The following DNM3 variants were observed in gnomAD, a reference collection of about 807,000 sequenced individuals.
The protein encoded by DNM3 is dynamin-3.
DNM3 carries 47 observed loss-of-function variants against 101.6 expected under a neutral mutation model. That is an observed-to-expected ratio of 0.46 (90% CI 0.37 to 0.59). DNM3 has a LOEUF of 0.59. Ranked by LOEUF, DNM3 falls within the 20% of genes least tolerant of loss-of-function variation. The pLI, the probability that DNM3 is intolerant of heterozygous loss-of-function variation, is 0.00. For synonymous variants in DNM3, 385 were observed against 387.9 expected, an observed-to-expected ratio of 0.99 and a Z score of 0.09; for missense variants, 849 against 1,085.7, an observed-to-expected ratio of 0.78 and a Z score of 3.06.
chr1:172,184,661 G>T (rs2059460843), intron 14 of DNM3, among the ~76,000 whole-genome samples: 2 of 152,022 alleles, frequency 1.3e-5, no homozygotes. Flanking sequence ...AAATACTTCT[G>T]GGATGTGTAA....
rs577953559 is a variant in DNM3, at chr1:172,304,152, A to G, written c.1770-4576A>G. ...GGAGACCCATCTCACATGCAGAGAC[A>G]CACATAGGCTCAAAATAAAGGGATG... is the stretch of plus-strand genomic sequence containing the variant. On this transcript the variant is annotated intron_variant, in intron 15 of 20. Coordinates refer to ENST00000627582, the MANE Select transcript of DNM3 (RefSeq NM_015569.5). 2.7e-5 allele frequency among the ~76,000 whole-genome samples: 4 copies of G among 149,466 alleles called. No homozygotes were observed. In the East Asian group the frequency reaches 7.8e-4, roughly 29 times the overall value.
chr1:171,922,787 A>G (rs2040281651), intron 2 of DNM3, among the ~76,000 whole-genome samples: 1 of 152,216 alleles, frequency 6.6e-6, no homozygotes, highest in African/African-American at 2.4e-5. Flanking sequence ...TCATATGAAT[A>G]GAATCATTTA....
intron 14 of DNM3, among the ~76,000 whole-genome samples, chr1:172,245,989 A>G (rs1557875495): frequency 6.6e-6 from 1 of 152,188 alleles, no homozygotes; most frequent in African/African-American, 2.4e-5. Flanking sequence ...ATTTACAGTC[A>G]CGGCTAAAGG....
At chr1:171,946,442 T>C (rs2042178501) in intron 2 of DNM3, among the ~76,000 whole-genome samples, 2 of 152,098 alleles carry the variant, frequency 1.3e-5, no homozygotes, top group African/African-American at 2.4e-5. Flanking sequence ...ATGGGAGATA[T>C]GATAGCTTTG....
At chr1:171,925,512 G>A (rs2040500568) in intron 2 of DNM3, among the ~76,000 whole-genome samples, 1 of 152,032 alleles carries the variant, frequency 6.6e-6, no homozygotes, top group Non-Finnish European at 1.5e-5. Context: ...TTACAGGTGT[G>A]AGCCACCGTG....
chr1:172,248,575 A>AG (rs1178907581), intron 14 of DNM3, among the ~76,000 whole-genome samples: 2 of 152,070 alleles, frequency 1.3e-5, no homozygotes, highest in African/African-American at 4.8e-5. Context: ...TATAATCAGG[A>AG]GGTGGCCTTG....
At chr1:171,900,582 G>A (rs181743946) in intron 1 of DNM3, among the ~76,000 whole-genome samples, 212 of 152,232 alleles carry the variant, frequency 1.4e-3, no homozygotes, top group African/African-American at 5.0e-3. Context: ...GGCTTCCAGG[G>A]TGAAGTAGGA....
chr1:172,384,012 C>T (rs1460846812), intron 18 of DNM3, among the ~76,000 whole-genome samples: 2 of 152,152 alleles, frequency 1.3e-5, no homozygotes, highest in African/African-American at 2.4e-5. Flanking sequence ...AAGGGATTCA[C>T]TTGACCCCTG....
chr1:172,388,746 A>C lies in DNM3; in HGVS notation c.2459A>C (p.Asp820Ala). ...TTACCTCCTTTCCCCAGCAGCAGTG[A>C]CTCCTTCGGAGCCCCTCCACAAGTT... ...GPLPPFPSSS[D>A]SFGAPPQVPS... The change falls in exon 20 of 21, where the codon GAC (aspartate) becomes GCC (alanine). Residue 820 changes from aspartate to alanine, a missense_variant. By Grantham distance (126) the Asp-to-Ala change is moderately radical (BLOSUM62 -2). Coordinates refer to ENST00000627582, the MANE Select transcript of DNM3 (RefSeq NM_015569.5). The C allele has an allele frequency of 3.1e-6, 5 of 1,611,088 alleles. No individual in the cohort carries two copies. The highest frequency in any genetic ancestry group is 4.2e-6 in the Non-Finnish European group (5 of 1,178,756).
intron 14 of DNM3, among the ~76,000 whole-genome samples, chr1:172,242,774 T>C (rs2061797421): frequency 6.6e-6 from 1 of 152,278 alleles, no homozygotes; most frequent in East Asian, 1.9e-4. Context: ...TGGACTTCTG[T>C]CTGATCCCGC....
chr1:171,884,720 C>A (rs1188780124), intron 1 of DNM3, among the ~76,000 whole-genome samples: 1 of 152,170 alleles, frequency 6.6e-6, no homozygotes, highest in East Asian at 1.9e-4. Context: ...CTTCAACGGG[C>A]TAGTTCAGAC....
At chr1:172,047,544 T>C (rs900370216) in intron 9 of DNM3, among the ~76,000 whole-genome samples, 20 of 152,214 alleles carry the variant, frequency 1.3e-4, no homozygotes, top group Admixed American at 2.6e-4. Flanking sequence ...GAAAAATAAC[T>C]GTGAAGAAAG....
intron 1 of DNM3, among the ~76,000 whole-genome samples, chr1:171,861,165 A>G (rs111397613): frequency 0.02 from 3,005 of 152,252 alleles, 97 homozygotes; most frequent in African/African-American, 0.068. Flanking sequence ...TAAAATGGCA[A>G]CACACCTCAA....
At chr1:171,850,744 G>T (rs2032837329) in intron 1 of DNM3, among the ~76,000 whole-genome samples, 1 of 150,970 alleles carries the variant, frequency 6.6e-6, no homozygotes, top group East Asian at 1.9e-4. Context: ...TACTTTGAAA[G>T]TTACATATTC....
chr1:172,065,895 A>G (rs2051617689), intron 10 of DNM3, among the ~76,000 whole-genome samples: 1 of 152,204 alleles, frequency 6.6e-6, no homozygotes, highest in Non-Finnish European at 1.5e-5. Flanking sequence ...TTTTCTATGC[A>G]CAGAGAGTAG....
intron 16 of DNM3, among the ~76,000 whole-genome samples, chr1:172,314,070 C>G (rs1196115629): frequency 6.6e-6 from 1 of 151,414 alleles, no homozygotes; most frequent in East Asian, 1.9e-4. Flanking sequence ...GGATCTAGAA[C>G]CAGAAATACT....
intron 14 of DNM3, among the ~76,000 whole-genome samples, chr1:172,212,916 A>G (rs2060562295): frequency 6.6e-6 from 1 of 152,146 alleles, no homozygotes; most frequent in African/African-American, 2.4e-5. Flanking sequence ...GTCTTTTAGC[A>G]CTGGAACAAA....
chr1:172,240,469 C>T (rs2061709456), intron 14 of DNM3, among the ~76,000 whole-genome samples: 1 of 152,078 alleles, frequency 6.6e-6, no homozygotes, highest in Non-Finnish European at 1.5e-5. Context: ...ATTTTCTGAC[C>T]TCCATTTTCT....
intron 14 of DNM3, chr1:172,142,289 G>A (rs2057625249): frequency 6.6e-6 from 1 of 151,984 alleles, no homozygotes; most frequent in African/African-American, 2.4e-5. Context: ...CCTGGATATA[G>A]ATATGGCTAT....
Sources: allele counts gnomAD v4.1 joint callset (sites outside exome capture counted in the v4.1 genomes callset), GRCh38; gene constraint gnomAD v4.1.1; transcripts MANE v1.5; gene names NCBI Gene and HGNC (gene_info 2026-07-23, HGNC 2026-07-21).